The following CARNMT1 variants were observed in gnomAD, a reference collection of about 807,000 sequenced individuals.
The protein encoded by CARNMT1 is protein-L-histidine N-pros-methyltransferase CARNMT1.
CARNMT1 carries 28 observed loss-of-function variants against 49.6 expected under a neutral mutation model. That is an observed-to-expected ratio of 0.56 (90% CI 0.42 to 0.77). CARNMT1 has a LOEUF of 0.77. CARNMT1 is among the 30% of genes least tolerant of loss of function. CARNMT1 has a pLI of 0.00. For missense variants in CARNMT1, 421 were observed against 512.6 expected (o/e 0.82, Z 1.73); for synonymous variants, 178 against 175.0 (o/e 1.02, Z -0.13).
chr9:75,026,461 T>C (rs1236892988), intron 1 of CARNMT1, among the ~76,000 whole-genome samples: 2 of 152,234 alleles, frequency 1.3e-5, no homozygotes, highest in Admixed American at 6.5e-5. Flanking sequence ...CAGACTTTTC[T>C]GTATCTCCCA....
chr9:75,016,169 A>G, intron 3 of CARNMT1, 99 bp downstream of exon 3: 3 of 873,088 alleles, frequency 3.4e-6, no homozygotes, highest in Non-Finnish European at 5.4e-6. Context: ...ACAGGCACAC[A>G]GCAACTATAA....
At position 75,016,069 on chromosome 9, in the gene CARNMT1, A is replaced by G. The variant is rs181014195; in HGVS notation, c.590+199T>C. 4 of 432,294 alleles carry G rather than the reference A, an allele frequency of 9.3e-6. No individual in the cohort carries two copies. In the Admixed American group the frequency reaches 1.6e-4, roughly 17 times the overall value. The allele number at this position is 432,294 out of a possible 1,614,324, so 26.8% of individuals were successfully genotyped here. A position where few individuals can be genotyped will look rare whatever the true frequency, so the allele number is the denominator to read the frequency against. On this transcript the variant is annotated intron_variant, in intron 3 of 7. Transcript: ENST00000376834. Reference sequence around the variant, plus strand: ...TTTAATTTCTAAGTAATTTCCCCTAAGCACCAGCATAAAAATTATTCAAAA... The same window carrying G: ...TTTAATTTCTAAGTAATTTCCCCTAGGCACCAGCATAAAAATTATTCAAAA...
chr9:75,021,318 T>C (rs1197936755), intron 1 of CARNMT1, among the ~76,000 whole-genome samples: 5 of 146,294 alleles, frequency 3.4e-5, no homozygotes, highest in African/African-American at 1.2e-4. Context: ...ATACATACCA[T>C]ATATATTATA....
chr9:74,997,306 C>T (rs1234911531), intron 5 of CARNMT1, among the ~76,000 whole-genome samples: 1 of 152,160 alleles, frequency 6.6e-6, no homozygotes, highest in Non-Finnish European at 1.5e-5. Flanking sequence ...CTTCAGAGTA[C>T]AGGTTGTCCC....
chr9:75,018,805 T>C (rs916822815), intron 1 of CARNMT1, among the ~76,000 whole-genome samples: 1 of 151,878 alleles, frequency 6.6e-6, no homozygotes, highest in Non-Finnish European at 1.5e-5. Context: ...CCATCTCTAC[T>C]AAAATATAAA....
chr9:74,984,813 G>C (rs2118745174), intron 7 of CARNMT1, 94 bp downstream of exon 7: 2 of 768,606 alleles, frequency 2.6e-6, no homozygotes, highest in Middle Eastern at 2.3e-4. Flanking sequence ...TAAGAAAACA[G>C]AGAATTCAAA....
At chr9:75,007,509 A>G (rs1168288292) in intron 3 of CARNMT1, among the ~76,000 whole-genome samples, 1 of 152,060 alleles carries the variant, frequency 6.6e-6, no homozygotes, top group African/African-American at 2.4e-5. Flanking sequence ...TGGGTGGATC[A>G]ATTGAGGTCA....
chr9:75,012,324 C>T (rs1397682002), intron 3 of CARNMT1, among the ~76,000 whole-genome samples: 5 of 145,744 alleles, frequency 3.4e-5, no homozygotes, highest in Non-Finnish European at 7.5e-5. Flanking sequence ...CCTTGCTCTA[C>T]TGGCCAGGCT....
chr9:74,992,416 C>T (rs1488653911), intron 6 of CARNMT1, among the ~76,000 whole-genome samples: 1 of 152,148 alleles, frequency 6.6e-6, no homozygotes, highest in East Asian at 1.9e-4. Flanking sequence ...TAGTTAGATT[C>T]ATTTTATTAA....
chr9:75,021,245 CATA>C (rs1369033824), intron 1 of CARNMT1, among the ~76,000 whole-genome samples: 5 of 142,786 alleles, frequency 3.5e-5, no homozygotes, highest in East Asian at 2.0e-4. Context: ...AGTATATATA[CATA>C]GTATATACAT....
At chr9:75,014,381 C>G (rs1336043181) in intron 3 of CARNMT1, among the ~76,000 whole-genome samples, 2 of 152,102 alleles carry the variant, frequency 1.3e-5, no homozygotes, top group Admixed American at 6.6e-5. Context: ...GAGGGAAAAC[C>G]AAGGATAACC....
At chr9:74,989,638 C>G (rs748059345) in intron 6 of CARNMT1, among the ~76,000 whole-genome samples, 4 of 152,118 alleles carry the variant, frequency 2.6e-5, no homozygotes, top group Non-Finnish European at 5.9e-5. Context: ...GGTGGCTCCC[C>G]CCATGCTGTT....
rs11144183 is a variant in CARNMT1, at chr9:75,005,072, A to T, written c.591-5202T>A. Among the ~76,000 whole-genome samples, 11 of 152,250 alleles carry T rather than the reference A, an allele frequency of 7.2e-5. No homozygotes were observed. The East Asian group carries it at 7.7e-4, about 11-fold the overall frequency. ...CATTCACTTGGAAAAATTTTTTTTT[A>T]AATTTCAATACATACAGGTCTGACC... On this transcript the variant is annotated intron_variant, in intron 3 of 7. Coordinates refer to ENST00000376834, the MANE Select transcript of CARNMT1 (RefSeq NM_152420.3).
At chr9:75,014,920 A>C (rs1231098078) in intron 3 of CARNMT1, among the ~76,000 whole-genome samples, 1 of 152,196 alleles carries the variant, frequency 6.6e-6, no homozygotes, top group Non-Finnish European at 1.5e-5. Flanking sequence ...ATATGTATTG[A>C]AATTTCTGAA....
In CARNMT1 at chr9:75,025,265, ATC is replaced by A. The variant is rs370136179; in HGVS notation, c.230+2745_230+2746del. Among the ~76,000 whole-genome samples, 335 of 152,268 alleles carry A rather than the reference ATC, an allele frequency of 2.2e-3. 1 individual carries two copies. The highest frequency in any genetic ancestry group is 7.9e-3 in the African/African-American group (327 of 41,566). ...ATGGTATTGCATTAAATTTGATGAA[ATC>A]TGTTTACTGCTATATGCAATTTACT... is the stretch of plus-strand genomic sequence containing the variant. On this transcript the variant is annotated intron_variant, in intron 1 of 7. Transcript: ENST00000376834.
rs202145124 is a variant in CARNMT1 at position 75,028,187 on chromosome 9, C to G, written c.55G>C (p.Gly19Arg). 2 of 1,506,704 alleles carry G rather than the reference C, an allele frequency of 1.3e-6. No individual in the cohort carries two copies. Among genetic ancestry groups the G allele is most frequent in the Admixed American group, 2.2e-5 (1 of 45,792 alleles). The allele number at this position is 1,506,704 out of a possible 1,614,324, so 93.3% of individuals were successfully genotyped here. A position where few individuals can be genotyped will look rare whatever the true frequency, so the allele number is the denominator to read the frequency against. ...PPTSRLPEGC[G>R]GGGGGSEEVE... is the part of the protein sequence containing the mutation. ...TCCTCGCTGCCACCGCCTCCTCCCCCGCAGCCCTCGGGCAGCCGGGAGGTG... is the reference window on the plus strand; with the variant it reads ...TCCTCGCTGCCACCGCCTCCTCCCCGGCAGCCCTCGGGCAGCCGGGAGGTG... The change falls in exon 1 of 8, where the codon GGG becomes CGG. Residue 19 changes from glycine to arginine, a missense_variant. Coordinates refer to ENST00000376834, the MANE Select transcript of CARNMT1 (RefSeq NM_152420.3).
chr9:75,028,399 G>A (rs932088758), upstream of CARNMT1: 6 of 1,292,466 alleles, frequency 4.6e-6, no homozygotes, highest in South Asian at 2.5e-5. Context: ...ATCCGCGCTG[G>A]GCTCCGCCAG....
chr9:75,023,414 C>T (rs894296218), intron 1 of CARNMT1, among the ~76,000 whole-genome samples: 1 of 152,166 alleles, frequency 6.6e-6, no homozygotes, highest in Non-Finnish European at 1.5e-5. Context: ...GACTACTTAT[C>T]ACCAAGTAAT....
intron 1 of CARNMT1, chr9:75,027,459 A>C (rs748243224): frequency 1.6e-4 from 155 of 985,334 alleles, no homozygotes; most frequent in Non-Finnish European, 1.8e-4. Flanking sequence ...GAGCAGCATC[A>C]TTCAATCGCT....
Sources: gnomAD v4.1 joint callset for allele counts (sites outside exome capture counted in the v4.1 genomes callset) on GRCh38, gnomAD v4.1.1 for gene constraint, MANE v1.5 for transcripts, NCBI Gene and HGNC (gene_info 2026-07-23, HGNC 2026-07-21) for gene names.